Variants in CDK1 observed in about 807,000 individuals in gnomAD.
The protein encoded by CDK1 is cyclin-dependent kinase 1.
In CDK1, 5 loss-of-function variants were observed where a neutral mutation model predicts 34.6. That is an observed-to-expected ratio of 0.14 (90% confidence interval 0.08 to 0.30). The LOEUF (loss-of-function observed/expected upper bound fraction) is 0.30, where lower values mean the gene tolerates loss of function less well. CDK1 is among the 10% of genes least tolerant of loss of function. The pLI is 1.00. For missense variants in CDK1, 157 were observed against 345.7 expected (o/e 0.45, Z 4.33); for synonymous variants, 108 against 114.7 (o/e 0.94, Z 0.37).
At chr10:60,785,496 T>C (rs1448681762) in intron 3 of CDK1, among the ~76,000 whole-genome samples, 168 bp from the exon 4 acceptor site, 1 of 152,200 alleles carries the variant, frequency 6.6e-6, no homozygotes, top group Non-Finnish European at 1.5e-5. Context: ...ATAGTTGCCC[T>C]GAGATTCCTT....
At position 60,792,056 on chromosome 10, in the gene CDK1, A is replaced by G; in HGVS notation, c.653+3A>G. The G allele has an allele frequency of 6.3e-7, 1 of 1,594,748 alleles. No individual in the cohort carries two copies. The highest frequency in any genetic ancestry group is 1.1e-5 in the South Asian group (1 of 90,038). On this transcript the variant is annotated splice_donor_region_variant and intron_variant, in intron 6 of 7. Transcript: ENST00000395284. ...GATCAACTCTTCAGGATTTTCAGGTAGCTATTAAAAACTGAGATAATAAAG... is the reference window on the plus strand; with the variant it reads ...GATCAACTCTTCAGGATTTTCAGGTGGCTATTAAAAACTGAGATAATAAAG...
rs1871446 is a variant in CDK1 at position 60,794,005 on chromosome 10, A to G, written c.*30A>G. On this transcript the variant is annotated 3_prime_UTR_variant, in exon 8 of 8. Transcript: ENST00000395284. ...CTGACAAAAAGTTTCCATATGTTAT[A>G]TCAACAGATAGTTGTGTTTTTATTG... is the stretch of plus-strand genomic sequence containing the variant. The G allele has an allele frequency of 0.76, 795,397 of 1,041,966 alleles. 304,787 individuals carry two copies. Among genetic ancestry groups the G allele is most frequent in the East Asian group, 0.81 (29,564 of 36,600 alleles). 64.5% of individuals were successfully genotyped at this position (1,041,966 alleles called of 1,614,324 possible).
At chr10:60,793,013 T>C (rs2080372161) in intron 7 of CDK1, among the ~76,000 whole-genome samples, 1 of 152,136 alleles carries the variant, frequency 6.6e-6, no homozygotes, top group African/African-American at 2.4e-5. Context: ...TGTCTCCAGA[T>C]ATTGCCAAAT....
At chr10:60,784,409 T>G (rs1266857526) in intron 2 of CDK1, among the ~76,000 whole-genome samples, 1 of 152,088 alleles carries the variant, frequency 6.6e-6, no homozygotes, top group Admixed American at 6.5e-5. Flanking sequence ...GCAGGTAGAT[T>G]GCTTGAGCTC....
chr10:60,787,519 C>G lies in CDK1; in HGVS notation c.319-541C>G, dbSNP rs190842908. 4.1e-3 allele frequency among the ~76,000 whole-genome samples: 622 copies of G among 152,172 alleles called. 4 individuals carry two copies. Among genetic ancestry groups the G allele is most frequent in the Non-Finnish European group, 7.0e-3 (476 of 67,908 alleles). ...TGTTTTTGTAATATCCATGCTACTTCAGATGTCAATGACATTGTCTTTGGC... is the reference window on the plus strand; with the variant it reads ...TGTTTTTGTAATATCCATGCTACTTGAGATGTCAATGACATTGTCTTTGGC... On this transcript the variant is annotated intron_variant, in intron 4 of 7. Coordinates refer to ENST00000395284, the MANE Select transcript of CDK1 (RefSeq NM_001786.5).
chr10:60,783,535 C>T (rs933561805), intron 2 of CDK1: 1 of 152,260 alleles, frequency 6.6e-6, no homozygotes, highest in African/African-American at 2.4e-5. Flanking sequence ...CTTCCTAGAA[C>T]AGTGCACTCT....
rs563013477 is a variant in CDK1 at position 60,783,410 on chromosome 10, T to C, written c.38-1295T>C. On this transcript the variant is annotated intron_variant, in intron 2 of 7. Coordinates refer to ENST00000395284, the MANE Select transcript of CDK1 (RefSeq NM_001786.5). ...TTAAGCTTAAGTAGCATCAATTTGC[T>C]ACTGCTCAAACTGCTTAATTTTTTA... 41 of 152,338 alleles carry C rather than the reference T, an allele frequency of 2.7e-4. 1 individual carries two copies. The South Asian group carries it at 8.3e-3, about 31-fold the overall frequency. The allele number at this position is 152,338 out of a possible 1,614,324, so 9.4% of individuals were successfully genotyped here. A position where few individuals can be genotyped will look rare whatever the true frequency, so the allele number is the denominator to read the frequency against.
intron 2 of CDK1, among the ~76,000 whole-genome samples, chr10:60,782,585 T>G (rs1333513884): frequency 6.6e-6 from 1 of 152,182 alleles, no homozygotes; most frequent in Non-Finnish European, 1.5e-5. Context: ...AATGAAGGTT[T>G]TCTGCTTAAG....
chr10:60,789,581 A>G (rs1341892566), intron 5 of CDK1, among the ~76,000 whole-genome samples: 1 of 152,076 alleles, frequency 6.6e-6, no homozygotes, highest in African/African-American at 2.4e-5. Flanking sequence ...CTAGTATTCC[A>G]TTGCGTGCAC....
intron 4 of CDK1, chr10:60,786,844 G>A: frequency 2.1e-6 from 2 of 965,134 alleles, no homozygotes; most frequent in Non-Finnish European, 2.5e-6. Context: ...TTTTCGTTAG[G>A]ATACGTTCTT....
At chr10:60,778,679 TG>T (rs1320700987) in intron 1 of CDK1, 109 bp downstream of exon 1, 1 of 152,780 alleles carries the variant, frequency 6.5e-6, no homozygotes, top group Admixed American at 6.6e-5. Flanking sequence ...GTCAGGGATC[TG>T]CGCGGGGCCC....
intron 2 of CDK1, chr10:60,783,366 A>G (rs1191274025): frequency 6.6e-6 from 1 of 152,220 alleles, no homozygotes; most frequent in Non-Finnish European, 1.5e-5. Context: ...ACTTTTGTAT[A>G]GAGGTTCTGT....
chr10:60,781,495 T>A (rs1210611239), intron 2 of CDK1, among the ~76,000 whole-genome samples: 1 of 152,178 alleles, frequency 6.6e-6, no homozygotes, highest in Non-Finnish European at 1.5e-5. Context: ...AAAGATATGA[T>A]TCAATTGAAC....
Position 60,778,943 on chromosome 10 carries a change from C to A in CDK1, c.-26+373C>A, listed in dbSNP as rs139245206. 3.3e-3 allele frequency among the ~76,000 whole-genome samples: 508 copies of A among 152,230 alleles called. 19 individuals carry two copies. In the East Asian group the frequency reaches 0.086, roughly 26 times the overall value. On this transcript the variant is annotated intron_variant, in intron 1 of 7. Transcript: ENST00000395284. ...GCGCCTGCGGAGTAGCAGGCTCTTT[C>A]CTGGGCCCGGCCCCTGCGCGCCCTG... is the stretch of plus-strand genomic sequence containing the variant.
At chr10:60,787,629 C>G (rs751037976) in intron 4 of CDK1, 4 of 152,032 alleles carry the variant, frequency 2.6e-5, no homozygotes, top group Non-Finnish European at 5.9e-5. Context: ...ATCATAATAT[C>G]TTTGCCATCA....
chr10:60,787,528 A>G (rs563142021), intron 4 of CDK1: 1 of 152,106 alleles, frequency 6.6e-6, no homozygotes, highest in Non-Finnish European at 1.5e-5. Context: ...TCAGATGTCA[A>G]TGACATTGTC....
At chr10:60,787,398 G>T (rs548282822) in intron 4 of CDK1, among the ~76,000 whole-genome samples, 1 of 151,994 alleles carries the variant, frequency 6.6e-6, no homozygotes, top group Non-Finnish European at 1.5e-5. Context: ...TGGATCATCC[G>T]TTTTGTTTTG....
intron 4 of CDK1, chr10:60,786,403 CATT>C (rs1023352019): frequency 1.0e-5 from 8 of 762,374 alleles, no homozygotes; most frequent in African/African-American, 9.5e-5. Flanking sequence ...TTGTGTAAAA[CATT>C]ATCAAGACGT....
At chr10:60,779,792 A>G (rs2080256360) in intron 1 of CDK1, among the ~76,000 whole-genome samples, 1 of 152,226 alleles carries the variant, frequency 6.6e-6, no homozygotes, top group Non-Finnish European at 1.5e-5. Flanking sequence ...ACTTTGGCAC[A>G]CGCAGGTACT....
Sources: allele counts gnomAD v4.1 joint callset (sites outside exome capture counted in the v4.1 genomes callset), GRCh38; gene constraint gnomAD v4.1.1; transcripts MANE v1.5; gene names NCBI Gene and HGNC (gene_info 2026-07-23, HGNC 2026-07-21).